KLF12: variants seen among roughly 807,000 people sequenced by gnomAD.
KLF12 encodes KLF transcription factor 12, also known as Krueppel-like factor 12.
A neutral mutation model predicts 37.8 loss-of-function variants in KLF12; 9 were observed. The ratio of observed to expected loss-of-function variants is 0.24; its 90% CI spans 0.14 to 0.42. The LOEUF (loss-of-function observed/expected upper bound fraction) is 0.42, where lower values mean the gene tolerates loss of function less well. Ranked by LOEUF, KLF12 falls within the 10% of genes least tolerant of loss-of-function variation. KLF12 has a pLI of 1.00. For missense variants in KLF12, 411 were observed against 516.0 expected, an observed-to-expected ratio of 0.80 and a Z score of 1.97; for synonymous variants, 208 against 202.1, an observed-to-expected ratio of 1.03 and a Z score of -0.25.
chr13:73,939,630 T>C (rs1355749769), intron 3 of KLF12, among the ~76,000 whole-genome samples: 1 of 152,062 alleles, frequency 6.6e-6, no homozygotes, highest in South Asian at 2.1e-4. Context: ...ACGAAAGTAA[T>C]AGGGCCTTTT....
chr13:74,134,557 G>T (rs904304764), upstream of KLF12, among the ~76,000 whole-genome samples: 7 of 122,984 alleles, frequency 5.7e-5, no homozygotes, highest in Non-Finnish European at 1.0e-4. Flanking sequence ...CCCTGCCCCC[G>T]CCCTCCGGCC....
intron 1 of KLF12, among the ~76,000 whole-genome samples, chr13:74,058,501 G>C (rs188738532): frequency 5.2e-4 from 78 of 151,410 alleles, no homozygotes; most frequent in African/African-American, 1.8e-3. Flanking sequence ...GACTACAGGC[G>C]CCCGCCACCA....
chr13:74,154,262 T>C, the KLF12 span, among the ~76,000 whole-genome samples: 2 of 152,116 alleles, frequency 1.3e-5, no homozygotes, highest in Non-Finnish European at 2.9e-5. Context: ...ATTCAATAAG[T>C]AGGGCCTTGA....
chr13:73,776,587 A>G (rs1020747436), intron 5 of KLF12, among the ~76,000 whole-genome samples: 5 of 152,216 alleles, frequency 3.3e-5, no homozygotes, highest in Non-Finnish European at 7.4e-5. Flanking sequence ...GACCAACATC[A>G]TTTATAGTAG....
intron 1 of KLF12, among the ~76,000 whole-genome samples, chr13:74,095,807 TG>T (rs1875950521): frequency 6.6e-6 from 1 of 152,242 alleles, no homozygotes; most frequent in African/African-American, 2.4e-5. Context: ...GTTACTATTT[TG>T]AATACTGAGG....
At chr13:74,017,102 A>ATG (rs1892706501) in intron 1 of KLF12, among the ~76,000 whole-genome samples, 1 of 152,154 alleles carries the variant, frequency 6.6e-6, no homozygotes, top group African/African-American at 2.4e-5. Context: ...GCTGCTGGTA[A>ATG]TGTTTTATGA....
At chr13:74,218,983 A>G in the KLF12 span, among the ~76,000 whole-genome samples, 1 of 138,802 alleles carries the variant, frequency 7.2e-6, no homozygotes, top group African/African-American at 2.7e-5. Flanking sequence ...TTTTTTTGAG[A>G]TGGAGCCTCG....
At chr13:73,887,668 C>G (rs1486572276) in intron 3 of KLF12, among the ~76,000 whole-genome samples, 1 of 148,066 alleles carries the variant, frequency 6.8e-6, no homozygotes, top group Non-Finnish European at 1.5e-5. Context: ...GCAAAAAAAG[C>G]CTAATATAAA....
the KLF12 span, among the ~76,000 whole-genome samples, chr13:74,219,231 C>T: frequency 6.6e-6 from 1 of 152,232 alleles, no homozygotes; most frequent in East Asian, 1.9e-4. Flanking sequence ...GCTGGGATTA[C>T]AGGCATGAGC....
At chr13:74,254,747 C>G in the KLF12 span, among the ~76,000 whole-genome samples, 17 of 152,074 alleles carry the variant, frequency 1.1e-4, no homozygotes, top group African/African-American at 4.1e-4. Context: ...TGGTCTAAAT[C>G]ACACCATCAC....
At chr13:73,840,981 CAG>C (rs1045626765) in intron 4 of KLF12, among the ~76,000 whole-genome samples, 4 of 152,162 alleles carry the variant, frequency 2.6e-5, no homozygotes, top group African/African-American at 7.2e-5. Context: ...GCTTACTTCT[CAG>C]AGAGGCCTTC....
intron 4 of KLF12, among the ~76,000 whole-genome samples, chr13:73,839,460 T>C (rs917421431): frequency 6.6e-6 from 1 of 152,076 alleles, no homozygotes; most frequent in African/African-American, 2.4e-5. Context: ...AATGTTTAAA[T>C]GTAAAAAAAT....
intron 4 of KLF12, among the ~76,000 whole-genome samples, chr13:73,826,731 C>A (rs1346047237): frequency 6.6e-6 from 1 of 151,668 alleles, no homozygotes. Context: ...CAGTTTTGCT[C>A]TTTTTAAAAT....
the KLF12 span, among the ~76,000 whole-genome samples, chr13:74,143,138 T>C: frequency 3.3e-5 from 5 of 150,924 alleles, no homozygotes; most frequent in Non-Finnish European, 5.9e-5. Flanking sequence ...CCTCGTCCTA[T>C]TCCGTCTTCT....
intron 2 of KLF12, among the ~76,000 whole-genome samples, chr13:73,964,083 A>T (rs1891105397): frequency 6.6e-6 from 1 of 152,210 alleles, no homozygotes; most frequent in Non-Finnish European, 1.5e-5. Flanking sequence ...GTACTGACAG[A>T]TTCCTTCTGA....
chr13:74,033,482 C>T (rs370989987), intron 1 of KLF12, among the ~76,000 whole-genome samples: 5 of 152,306 alleles, frequency 3.3e-5, no homozygotes, highest in East Asian at 3.9e-4. Flanking sequence ...AGATAATCAA[C>T]ATAAAGCACT....
intron 6 of KLF12, among the ~76,000 whole-genome samples, chr13:73,738,124 T>TATATATATATATATATATATAC (rs1305200790): frequency 1.2e-5 from 1 of 81,930 alleles, no homozygotes; most frequent in Non-Finnish European, 2.2e-5. Context: ...TATATATATA[T>TATATATATATATATATATATAC]ACACACACAC....
the KLF12 span, among the ~76,000 whole-genome samples, chr13:74,263,210 A>G: frequency 1.3e-5 from 2 of 152,232 alleles, no homozygotes; most frequent in African/African-American, 4.8e-5. Flanking sequence ...AAAATAATGT[A>G]ATGCTCCTTG....
intron 3 of KLF12, among the ~76,000 whole-genome samples, chr13:73,928,226 A>G (rs1889497329): frequency 6.6e-6 from 1 of 152,234 alleles, no homozygotes; most frequent in South Asian, 2.1e-4. Flanking sequence ...TGAAAACCGT[A>G]AACTATATAC....
Sources: allele counts gnomAD v4.1 joint callset (sites outside exome capture counted in the v4.1 genomes callset), GRCh38; gene constraint gnomAD v4.1.1; transcripts MANE v1.5; gene names NCBI Gene and HGNC (gene_info 2026-07-23, HGNC 2026-07-21).